The following TENM3 variants were observed in gnomAD, a reference collection of about 807,000 sequenced individuals.
TENM3 encodes the protein teneurin transmembrane protein 3, also known as teneurin-3.
A neutral mutation model predicts 255.1 loss-of-function variants in TENM3; 63 were observed. The observed-to-expected ratio is 0.25, with a 90% CI of 0.20 to 0.30. TENM3 has a LOEUF of 0.30. TENM3 is among the 10% of genes least tolerant of loss of function. The probability of loss-of-function intolerance (pLI) is 1.00; values close to 1 mark genes in which losing one functional copy is unlikely to be tolerated. For missense variants in TENM3, 2,929 were observed against 3,461.1 expected (o/e 0.85, Z 3.86); for synonymous variants, 1,306 against 1,322.3 (o/e 0.99, Z 0.27).
At chr4:182,064,350 G>A in the TENM3 span, among the ~76,000 whole-genome samples, 4 of 152,132 alleles carry the variant, frequency 2.6e-5, no homozygotes, top group East Asian at 1.9e-4. Context: ...AGGCTGAGAA[G>A]GGCGGATCAC....
intron 3 of TENM3, among the ~76,000 whole-genome samples, chr4:182,522,329 A>G (rs7659760): frequency 0.26 from 39,339 of 152,108 alleles, 6,257 homozygotes; most frequent in South Asian, 0.37. Context: ...AATTATCTTG[A>G]TCTTTTTCTC....
chr4:182,310,248 A>G (rs1762366159), intron 1 of TENM3, among the ~76,000 whole-genome samples: 1 of 151,998 alleles, frequency 6.6e-6, no homozygotes, highest in Non-Finnish European at 1.5e-5. Flanking sequence ...TTTAATTGAG[A>G]TGGGATTTCA....
the TENM3 span, among the ~76,000 whole-genome samples, chr4:181,449,890 T>C: frequency 2.6e-5 from 4 of 152,334 alleles, no homozygotes; most frequent in African/African-American, 9.6e-5. Context: ...TATTCTTTCA[T>C]TGACAGCATT....
chr4:181,706,425 G>T, the TENM3 span, among the ~76,000 whole-genome samples: 1 of 152,072 alleles, frequency 6.6e-6, no homozygotes, highest in Non-Finnish European at 1.5e-5. Flanking sequence ...GTCGTCCATA[G>T]ACTGGTTGTG....
At chr4:182,424,469 T>G (rs1343400649) in intron 3 of TENM3, among the ~76,000 whole-genome samples, 1 of 151,726 alleles carries the variant, frequency 6.6e-6, no homozygotes. Flanking sequence ...TACACTTTTT[T>G]TTTTCATTTT....
Position 182,361,507 on chromosome 4 carries a change from C to T in TENM3, c.511+14578C>T, listed in dbSNP as rs1347264908. ...CCTGATACCCTTTCTTCCAGTTGAT[C>T]GCATCGGCTCCTGAGGCTTCTGCAT... On this transcript the variant is annotated intron_variant, in intron 3 of 27. Coordinates refer to ENST00000511685, the MANE Select transcript of TENM3 (RefSeq NM_001080477.4). 5.9e-5 allele frequency among the ~76,000 whole-genome samples: 9 copies of T among 152,276 alleles called. No individual in the cohort carries two copies. In the South Asian group the frequency reaches 8.3e-4, roughly 14 times the overall value.
At chr4:181,578,779 C>A in the TENM3 span, among the ~76,000 whole-genome samples, 2 of 152,222 alleles carry the variant, frequency 1.3e-5, no homozygotes, top group African/African-American at 4.8e-5. Flanking sequence ...GTCCTAATCT[C>A]TTCTTCTTAT....
the TENM3 span, among the ~76,000 whole-genome samples, chr4:182,083,119 T>TA: frequency 6.6e-6 from 1 of 152,216 alleles, no homozygotes; most frequent in East Asian, 1.9e-4. Context: ...TTCACATACT[T>TA]AAGGAATTAT....
chr4:181,549,665 C>T, the TENM3 span, among the ~76,000 whole-genome samples: 1 of 152,300 alleles, frequency 6.6e-6, no homozygotes, highest in South Asian at 2.1e-4. Flanking sequence ...AATGGCCTGA[C>T]TTATTCCAGG....
the TENM3 span, among the ~76,000 whole-genome samples, chr4:181,938,180 T>C: frequency 2.6e-5 from 4 of 152,212 alleles, no homozygotes; most frequent in Non-Finnish European, 5.9e-5. Context: ...TAACGTTTTA[T>C]ACCTAGAAGG....
At chr4:181,514,846 C>T in the TENM3 span, among the ~76,000 whole-genome samples, 1 of 152,024 alleles carries the variant, frequency 6.6e-6, no homozygotes, top group Non-Finnish European at 1.5e-5. Flanking sequence ...GAATGGATAT[C>T]GAATGGAAAT....
the TENM3 span, among the ~76,000 whole-genome samples, chr4:181,952,274 A>G: frequency 6.6e-6 from 1 of 152,160 alleles, no homozygotes; most frequent in Non-Finnish European, 1.5e-5. Flanking sequence ...CTTTGTTTGT[A>G]TAATGAATAA....
At chr4:182,052,609 C>T in the TENM3 span, among the ~76,000 whole-genome samples, 4 of 152,096 alleles carry the variant, frequency 2.6e-5, no homozygotes, top group African/African-American at 9.7e-5. Flanking sequence ...CTCTTCACCT[C>T]GGAGCTCTGC....
At chr4:182,212,698 T>A (rs1755136151) in intron 1 of TENM3, among the ~76,000 whole-genome samples, 1 of 152,164 alleles carries the variant, frequency 6.6e-6, no homozygotes, top group Non-Finnish European at 1.5e-5. Flanking sequence ...TTGATCCCGA[T>A]ACCGCTGAAC....
chr4:182,760,502 A>T (rs947828276), intron 22 of TENM3, among the ~76,000 whole-genome samples: 1 of 152,178 alleles, frequency 6.6e-6, no homozygotes, highest in African/African-American at 2.4e-5. Context: ...ATGAAAAACT[A>T]TGAATTCTGG....
Position 182,680,678 on chromosome 4 carries a change from T to C in TENM3, c.1775T>C (p.Ile592Thr), listed in dbSNP as rs770994018. ...CIDPQCGGRGICIMGSCACNS... is the reference protein window; with the variant it reads ...CIDPQCGGRGTCIMGSCACNS... ...GACCCACAGTGTGGGGGTCGTGGGATTTGTATCATGGGCTCTTGTGCTTGC... is the reference window on the plus strand; with the variant it reads ...GACCCACAGTGTGGGGGTCGTGGGACTTGTATCATGGGCTCTTGTGCTTGC... The change falls in exon 10 of 28, where the codon ATT (isoleucine) becomes ACT (threonine). Residue 592 changes from isoleucine (I) to threonine (T), a missense_variant. Transcript: ENST00000511685. 2 of 1,604,808 alleles carry C rather than the reference T, an allele frequency of 1.2e-6. No homozygotes were observed. Among genetic ancestry groups the C allele is most frequent in the South Asian group, 1.1e-5 (1 of 89,836 alleles).
At chr4:182,191,594 G>A (rs921595810) in intron 1 of TENM3, among the ~76,000 whole-genome samples, 1 of 152,074 alleles carries the variant, frequency 6.6e-6, no homozygotes, top group Non-Finnish European at 1.5e-5. Flanking sequence ...GATGGTTAGA[G>A]CCTAGGTATT....
At chr4:182,571,295 G>A (rs200241699) in intron 3 of TENM3, among the ~76,000 whole-genome samples, 10 of 152,180 alleles carry the variant, frequency 6.6e-5, no homozygotes, top group African/African-American at 2.4e-4. Context: ...GGAGGCCAAG[G>A]CAGACAGATC....
the TENM3 span, among the ~76,000 whole-genome samples, chr4:181,831,264 A>C: frequency 6.6e-6 from 1 of 152,090 alleles, no homozygotes; most frequent in Non-Finnish European, 1.5e-5. Context: ...GATTGCAAAA[A>C]ATTTTGTTTT....
Sources: gnomAD v4.1 joint callset for allele counts (sites outside exome capture counted in the v4.1 genomes callset) on GRCh38, gnomAD v4.1.1 for gene constraint, MANE v1.5 for transcripts, NCBI Gene and HGNC (gene_info 2026-07-23, HGNC 2026-07-21) for gene names.